IL1RAPL2: variants seen among roughly 807,000 people sequenced by gnomAD.
The protein encoded by IL1RAPL2 is X-linked interleukin-1 receptor accessory protein-like 2.
In IL1RAPL2, 3 loss-of-function variants were observed where a neutral mutation model predicts 44.1. The ratio of observed to expected loss-of-function variants is 0.07; its 90% CI spans 0.03 to 0.18. IL1RAPL2 has a LOEUF of 0.18. Ranked by LOEUF, IL1RAPL2 falls within the 10% of genes least tolerant of loss-of-function variation. IL1RAPL2 has a pLI of 1.00. For synonymous variants in IL1RAPL2, 181 were observed against 178.8 expected, an observed-to-expected ratio of 1.01 and a Z score of -0.10; for missense variants, 391 against 496.4, an observed-to-expected ratio of 0.79 and a Z score of 2.02.
intron 2 of IL1RAPL2, among the ~76,000 whole-genome samples, chrX:104,913,528 G>A (rs1924314897): frequency 8.9e-6 from 1 of 111,746 alleles, no homozygotes; most frequent in Admixed American, 9.6e-5. Context: ...CCACTAGAGG[G>A]AGGCTGATTA....
chrX:105,259,707 A>G (rs777233028), intron 4 of IL1RAPL2, among the ~76,000 whole-genome samples: 1 of 111,119 alleles, frequency 9.0e-6, no homozygotes, highest in Admixed American at 9.5e-5. Flanking sequence ...GGTGTGGTTA[A>G]GGTACTTAGG....
At chrX:105,208,491 A>C (rs1338864562) in intron 3 of IL1RAPL2, among the ~76,000 whole-genome samples, 4 of 111,553 alleles carry the variant, frequency 3.6e-5, no homozygotes, top group African/African-American at 6.5e-5. Flanking sequence ...CTCTCACCAC[A>C]CCGAAGAGTG....
chrX:105,343,767 T>A (rs1321719354), intron 5 of IL1RAPL2, among the ~76,000 whole-genome samples: 1 of 112,547 alleles, frequency 8.9e-6, no homozygotes, highest in Non-Finnish European at 1.9e-5. Context: ...CCTGGAAAGA[T>A]ACATAGGTAC....
At chrX:105,076,869 T>C (rs2032313679) in intron 2 of IL1RAPL2, among the ~76,000 whole-genome samples, 3 of 111,261 alleles carry the variant, frequency 2.7e-5, no homozygotes, top group South Asian at 7.6e-4. Context: ...TTGCAACCCC[T>C]GCCTTTTTTT....
intron 6 of IL1RAPL2, among the ~76,000 whole-genome samples, chrX:105,621,575 A>C (rs990421049): frequency 2.7e-5 from 3 of 111,537 alleles, no homozygotes. Flanking sequence ...TCCTTTCAAA[A>C]ACACAGTTCT....
At chrX:105,103,320 T>C (rs1471908082) in intron 2 of IL1RAPL2, among the ~76,000 whole-genome samples, 1 of 111,604 alleles carries the variant, frequency 9.0e-6, no homozygotes, top group Non-Finnish European at 1.9e-5. Context: ...TACTTTCTAT[T>C]TTCTGGGAGT....
intron 2 of IL1RAPL2, among the ~76,000 whole-genome samples, chrX:104,958,268 G>A (rs1186323667): frequency 9.1e-6 from 1 of 109,484 alleles, no homozygotes; most frequent in East Asian, 2.9e-4. Flanking sequence ...TGGTTCATGA[G>A]TGGTACTAGG....
chrX:105,555,013 CA>C (rs1177570743), intron 6 of IL1RAPL2, among the ~76,000 whole-genome samples: 58 of 109,787 alleles, frequency 5.3e-4, no homozygotes, highest in Middle Eastern at 4.8e-3. Context: ...GATCATAACT[CA>C]AACATTTTCA....
intron 5 of IL1RAPL2, among the ~76,000 whole-genome samples, chrX:105,268,433 G>A (rs2034420916): frequency 9.0e-6 from 1 of 110,934 alleles, no homozygotes; most frequent in African/African-American, 3.3e-5. Context: ...GGATGAATAA[G>A]TCTAGTGATT....
intron 5 of IL1RAPL2, among the ~76,000 whole-genome samples, chrX:105,449,650 G>T (rs2036004256): frequency 9.1e-6 from 1 of 110,360 alleles, no homozygotes; most frequent in Admixed American, 9.6e-5. Flanking sequence ...AGGAGGCTGA[G>T]GCAGGAGAAT....
At chrX:104,647,088 C>T (rs139286248) in intron 1 of IL1RAPL2, 2 of 205,661 alleles carry the variant, frequency 9.7e-6, no homozygotes, top group East Asian at 2.3e-4. Flanking sequence ...CACTTTAAGC[C>T]AGTGATGAAA....
chrX:105,679,538 C>G (rs1409354189), intron 6 of IL1RAPL2, among the ~76,000 whole-genome samples: 1 of 111,758 alleles, frequency 8.9e-6, no homozygotes, highest in Non-Finnish European at 1.9e-5. Flanking sequence ...ACTGGTTTTT[C>G]CAAGGTGAAG....
intron 2 of IL1RAPL2, among the ~76,000 whole-genome samples, chrX:105,169,702 T>C (rs771654234): frequency 2.8e-5 from 3 of 107,217 alleles, no homozygotes; most frequent in Non-Finnish European, 5.8e-5. Flanking sequence ...CTAATTTTTT[T>C]TATTTTTAAT....
At chrX:104,689,425 G>A (rs1220962289) in intron 2 of IL1RAPL2, among the ~76,000 whole-genome samples, 2 of 111,470 alleles carry the variant, frequency 1.8e-5, no homozygotes, top group Non-Finnish European at 3.8e-5. Context: ...CAGCCCAGAA[G>A]GTCACTTTCT....
At chrX:104,744,988 A>G (rs1247270386) in intron 2 of IL1RAPL2, among the ~76,000 whole-genome samples, 3 of 103,254 alleles carry the variant, frequency 2.9e-5, no homozygotes, top group Non-Finnish European at 3.9e-5. Context: ...ACCCCCTCCC[A>G]TAGAAAGTGG....
chrX:104,889,120 C>A (rs1471906553), intron 2 of IL1RAPL2, among the ~76,000 whole-genome samples: 8 of 110,675 alleles, frequency 7.2e-5, no homozygotes, highest in Middle Eastern at 4.2e-3. Context: ...TTGTCCGCTT[C>A]TCAGGGCCCC....
At chrX:105,044,164 G>A (rs905798050) in intron 2 of IL1RAPL2, among the ~76,000 whole-genome samples, 1 of 111,132 alleles carries the variant, frequency 9.0e-6, no homozygotes. Flanking sequence ...CTTTGCATCT[G>A]AGAGATTCAG....
intron 2 of IL1RAPL2, among the ~76,000 whole-genome samples, chrX:105,190,043 T>C (rs1454606861): frequency 8.9e-6 from 1 of 112,219 alleles, no homozygotes; most frequent in Non-Finnish European, 1.9e-5. Flanking sequence ...GAGCTTTCTT[T>C]TTTTCTTATC....
intron 2 of IL1RAPL2, among the ~76,000 whole-genome samples, chrX:104,978,391 C>T (rs1045188530): frequency 5.4e-5 from 6 of 111,442 alleles, no homozygotes; most frequent in Non-Finnish European, 7.5e-5. Context: ...TAGTATTAGT[C>T]TTCTTCAATG....
Sources: allele counts gnomAD v4.1 joint callset (sites outside exome capture counted in the v4.1 genomes callset), GRCh38; gene constraint gnomAD v4.1.1; transcripts MANE v1.5; gene names NCBI Gene and HGNC (gene_info 2026-07-23, HGNC 2026-07-21).